EIF2AK2: variants seen among roughly 807,000 people sequenced by gnomAD.
The protein encoded by EIF2AK2 is eukaryotic translation initiation factor 2 alpha kinase 2, also known as interferon-induced, double-stranded RNA-activated protein kinase.
A neutral mutation model predicts 70.5 loss-of-function variants in EIF2AK2; 40 were observed. The observed-to-expected ratio is 0.57, with a 90% CI of 0.44 to 0.74. EIF2AK2 has a LOEUF of 0.74. EIF2AK2 is among the 30% of genes least tolerant of loss of function. The probability of loss-of-function intolerance (pLI) is 0.00; values close to 1 mark genes in which losing one functional copy is unlikely to be tolerated. For missense variants in EIF2AK2, 555 were observed against 644.3 expected (o/e 0.86, Z 1.50); for synonymous variants, 198 against 220.9 (o/e 0.90, Z 0.92).
rs1388313750 is a variant in EIF2AK2, at chr2:37,100,510, TAC to T, written c.*6761_*6762del. ...ATTTGCCTCACAGTTTTGCCTATTA[TAC>T]AGTTTCTAGTTATTTAGAATTTAAG... is the stretch of plus-strand genomic sequence containing the variant. On this transcript the variant is annotated 3_prime_UTR_variant, in exon 17 of 17. Coordinates refer to ENST00000233057, the MANE Select transcript of EIF2AK2 (RefSeq NM_001135651.3). 1 of 152,254 alleles carries T rather than the reference TAC, an allele frequency of 6.6e-6. No individual in the cohort carries two copies. 9.4% of individuals were successfully genotyped at this position (152,254 alleles called of 1,614,324 possible).
intron 8 of EIF2AK2, among the ~76,000 whole-genome samples, chr2:37,137,871 G>C (rs895083081): frequency 1.3e-5 from 2 of 152,124 alleles, no homozygotes; most frequent in Non-Finnish European, 2.9e-5. Context: ...CCAGCACTTG[G>C]GGAGGCCGAG....
intron 11 of EIF2AK2, among the ~76,000 whole-genome samples, chr2:37,123,256 G>A (rs1674618367): frequency 6.6e-6 from 1 of 152,006 alleles, no homozygotes; most frequent in Admixed American, 6.6e-5. Flanking sequence ...TGCCAGTGAT[G>A]TCATTTTAAT....
Position 37,105,984 on chromosome 2 carries a change from T to C in EIF2AK2, c.*1289A>G, listed in dbSNP as rs538994169. The C allele has an allele frequency of 3.3e-5, 5 of 152,318 alleles. No individual in the cohort carries two copies. Among genetic ancestry groups the C allele is most frequent in the South Asian group, 2.1e-4 (1 of 4,824 alleles). The allele number at this position is 152,318 out of a possible 1,614,324, so 9.4% of individuals were successfully genotyped here. A position where few individuals can be genotyped will look rare whatever the true frequency, so the allele number is the denominator to read the frequency against. On this transcript the variant is annotated 3_prime_UTR_variant, in exon 17 of 17. Transcript: ENST00000233057. ...TCTTTAAAGTGGTTGTTACAATAGA[T>C]ACAAAATGTATTTAAGATAAAAGGT...
chr2:37,129,697 C>A (rs904380476), intron 10 of EIF2AK2, among the ~76,000 whole-genome samples: 1 of 152,144 alleles, frequency 6.6e-6, no homozygotes, highest in Non-Finnish European at 1.5e-5. Flanking sequence ...AAACCCCATA[C>A]AAAACACTGC....
intron 10 of EIF2AK2, among the ~76,000 whole-genome samples, chr2:37,132,008 GA>G (rs1674957788): frequency 6.6e-6 from 1 of 152,114 alleles, no homozygotes; most frequent in Admixed American, 6.6e-5. Flanking sequence ...ATCATTAATG[GA>G]AAACTAATCC....
At position 37,122,621 on chromosome 2, in the gene EIF2AK2, C is replaced by T. The variant is rs1241155849; in HGVS notation, c.952G>A (p.Val318Ile). The change falls in exon 12 of 17, where the codon GTA becomes ATA. Residue 318 changes from valine to isoleucine, a missense_variant. Physicochemically the swap from Val to Ile is conservative, Grantham distance 29. Around this residue, in one of 3 missense-constraint regions of EIF2AK2, gnomAD observed 299 missense variants for 375.4 expected, o/e 0.80. Coordinates refer to ENST00000233057, the MANE Select transcript of EIF2AK2 (RefSeq NM_001135651.3). The stretch of plus-strand genomic sequence containing the variant: ...CAGCCATTGTAGTGAACAATATTTA[C>T]ATGATCAAGTTTTGCCAATGCTTTT... ...EVKALAKLDH[V>I]NIVHYNGCWD... The T allele has an allele frequency of 8.1e-6, 13 of 1,614,058 alleles. No individual in the cohort carries two copies. The highest frequency in any genetic ancestry group is 1.0e-5 in the Non-Finnish European group (12 of 1,180,054).
chr2:37,153,124 ATT>A (rs35602398), intron 1 of EIF2AK2, among the ~76,000 whole-genome samples: 15 of 150,296 alleles, frequency 1.0e-4, no homozygotes, highest in South Asian at 2.1e-4. Context: ...AACCATTGTG[ATT>A]TTTTTTTTTA....
rs950843509 is a variant in EIF2AK2, at chr2:37,128,569, C to T, written c.786-2158G>A. On this transcript the variant is annotated intron_variant, in intron 10 of 16. Transcript: ENST00000233057. ...ATAGTGCAATGTCAATTAAACTGTT[C>T]GGGTGGAAGTATAATTTAGCCTTAT... 3.9e-5 allele frequency among the ~76,000 whole-genome samples: 6 copies of T among 152,218 alleles called. No homozygotes were observed. In the South Asian group the frequency reaches 1.2e-3, roughly 32 times the overall value.
intron 4 of EIF2AK2, 106 bp downstream of exon 4, chr2:37,146,747 G>C: frequency 2.2e-6 from 3 of 1,375,606 alleles, no homozygotes; most frequent in Non-Finnish European, 3.0e-6. Context: ...TGAATGTAAG[G>C]GAACGTGTGA....
chr2:37,138,321 T>C lies in EIF2AK2; in HGVS notation c.636A>G (p.Thr212=). Residue 212 remains threonine (T), a synonymous_variant, in exon 8 of 17, where the codon ACA becomes ACG. Coordinates refer to ENST00000233057, the MANE Select transcript of EIF2AK2 (RefSeq NM_001135651.3). The stretch of plus-strand genomic sequence containing the variant: ...TGTCACTGTTAGAATTTATCTCTGA[T>C]GTATCTGCTGAGAAGTCACCTTCAG... ...SSSEGDFSAD[T]SEINSNSDSL... 2 of 1,614,004 alleles carry C rather than the reference T, an allele frequency of 1.2e-6. No individual in the cohort carries two copies. The highest frequency in any genetic ancestry group is 1.7e-6 in the Non-Finnish European group (2 of 1,179,954).
At chr2:37,117,907 C>A (rs983819550) in intron 13 of EIF2AK2, among the ~76,000 whole-genome samples, 3 of 152,192 alleles carry the variant, frequency 2.0e-5, no homozygotes, top group Non-Finnish European at 4.4e-5. Context: ...TTGCAAAACA[C>A]AACCCCAAAA....
chr2:37,125,847 C>T (rs963320584), intron 11 of EIF2AK2, among the ~76,000 whole-genome samples: 1 of 152,192 alleles, frequency 6.6e-6, no homozygotes, highest in African/African-American at 2.4e-5. Context: ...AGAACAATTA[C>T]CATCTAGCTT....
Position 37,115,263 on chromosome 2 carries a change from C to T in EIF2AK2, c.1249-404G>A, listed in dbSNP as rs563191733. 53 of 162,670 alleles carry T rather than the reference C, an allele frequency of 3.3e-4. 1 individual carries two copies. In the South Asian group the frequency reaches 7.3e-3, roughly 23 times the overall value. 10.1% of individuals were successfully genotyped at this position (162,670 alleles called of 1,614,324 possible). A position where few individuals can be genotyped will look rare whatever the true frequency, so the allele number is the denominator to read the frequency against. On this transcript the variant is annotated intron_variant, in intron 13 of 16. Coordinates refer to ENST00000233057, the MANE Select transcript of EIF2AK2 (RefSeq NM_001135651.3). Reference sequence around the variant, plus strand: ...TTTTTTAGTAGAGACAGGGTTTCACCGTGTTAGCCAGGATGGTCTCGATCT... The same window carrying T: ...TTTTTTAGTAGAGACAGGGTTTCACTGTGTTAGCCAGGATGGTCTCGATCT...
At chr2:37,144,988 G>A (rs1448426770) in intron 4 of EIF2AK2, among the ~76,000 whole-genome samples, 1 of 151,374 alleles carries the variant, frequency 6.6e-6, no homozygotes, top group Non-Finnish European at 1.5e-5. Flanking sequence ...GAACCGCTAT[G>A]CCCAACCATG....
At chr2:37,141,431 G>T in intron 5 of EIF2AK2, 122 bp downstream of exon 5, 2 of 1,191,900 alleles carry the variant, frequency 1.7e-6, no homozygotes, top group Non-Finnish European at 2.4e-6. Flanking sequence ...TATCAATCAT[G>T]TAAAACCTTG....
chr2:37,111,664 G>A (rs1674151025), intron 14 of EIF2AK2, among the ~76,000 whole-genome samples: 2 of 150,136 alleles, frequency 1.3e-5, no homozygotes, highest in African/African-American at 4.9e-5. Context: ...GACCAGCCTA[G>A]GCAACATGGT....
intron 13 of EIF2AK2, among the ~76,000 whole-genome samples, chr2:37,115,435 C>T (rs890409482): frequency 2.0e-5 from 3 of 151,888 alleles, no homozygotes; most frequent in African/African-American, 7.3e-5. Flanking sequence ...GAAAAGCTGT[C>T]ACGTGCAAGG....
intron 1 of EIF2AK2, among the ~76,000 whole-genome samples, chr2:37,149,501 T>C (rs1162798049): frequency 1.3e-5 from 2 of 152,158 alleles, no homozygotes; most frequent in African/African-American, 4.8e-5. Context: ...TAGTCAGCAT[T>C]AAGCCTGCCT....
chr2:37,112,149 G>A (rs1477451450), intron 14 of EIF2AK2, among the ~76,000 whole-genome samples: 1 of 151,818 alleles, frequency 6.6e-6, no homozygotes, highest in Non-Finnish European at 1.5e-5. Context: ...CCATCACAAG[G>A]TTCTGCCATT....
Sources: gnomAD v4.1 joint callset for allele counts (sites outside exome capture counted in the v4.1 genomes callset) on GRCh38, gnomAD v4.1.1 for gene constraint, gnomAD v4.1.1 regional missense constraint, MANE v1.5 for transcripts, NCBI Gene and HGNC (gene_info 2026-07-23, HGNC 2026-07-21) for gene names.